The following DHX35 variants were observed in gnomAD, a reference collection of about 807,000 sequenced individuals.
The protein encoded by DHX35 is probable ATP-dependent RNA helicase DHX35.
In DHX35, 84 loss-of-function variants were observed where a neutral mutation model predicts 99.6. The observed-to-expected ratio is 0.84, with a 90% confidence interval of 0.71 to 1.01. The LOEUF is 1.01. Ranked by LOEUF, DHX35 falls within the 50% of genes least tolerant of loss-of-function variation. DHX35 has a pLI of 0.00. For missense variants in DHX35, 852 were observed against 888.5 expected, an observed-to-expected ratio of 0.96 and a Z score of 0.52; for synonymous variants, 331 against 316.2, an observed-to-expected ratio of 1.05 and a Z score of -0.50.
chr20:38,963,329 A>T (rs1010976380), intron 1 of DHX35, among the ~76,000 whole-genome samples: 5 of 152,356 alleles, frequency 3.3e-5, no homozygotes, highest in African/African-American at 7.2e-5. Flanking sequence ...TTGCAGCAAA[A>T]ATGAAATGAC....
At chr20:38,996,202 A>G (rs1187663647) in intron 8 of DHX35, among the ~76,000 whole-genome samples, 10 of 151,812 alleles carry the variant, frequency 6.6e-5, no homozygotes, top group Admixed American at 6.6e-4. Flanking sequence ...CCTTATTCTG[A>G]TTTTTTTTAT....
chr20:38,972,895 T>A (rs1484469186), intron 3 of DHX35, among the ~76,000 whole-genome samples: 1 of 152,266 alleles, frequency 6.6e-6, no homozygotes, highest in Non-Finnish European at 1.5e-5. Context: ...TTCTGAAAGT[T>A]ACAATGGAGA....
chr20:39,035,489 C>G (rs1171841376), intron 21 of DHX35, among the ~76,000 whole-genome samples: 1 of 152,156 alleles, frequency 6.6e-6, no homozygotes, highest in Non-Finnish European at 1.5e-5. Flanking sequence ...ACCTTTTTCT[C>G]CATTAGGGCC....
At chr20:38,989,035 G>A (rs888337021) in intron 5 of DHX35, 118 bp downstream of exon 5, 6 of 1,085,480 alleles carry the variant, frequency 5.5e-6, no homozygotes, top group Admixed American at 2.6e-5. Context: ...AGAAAGTGAA[G>A]AAAAGTATCC....
chr20:39,019,007 A>G lies in DHX35; in HGVS notation c.1498+108A>G, dbSNP rs2086831933. 38 of 920,262 alleles carry G rather than the reference A, an allele frequency of 4.1e-5. 1 individual carries two copies. Among genetic ancestry groups the G allele is most frequent in the Middle Eastern group, 2.3e-4 (1 of 4,434 alleles). 57.0% of individuals were successfully genotyped at this position (920,262 alleles called of 1,614,324 possible). ...AGAGGGTACAATATGGTAAAGAAGTATATATATATCTGTAACATAACATTT... is the reference window on the plus strand; with the variant it reads ...AGAGGGTACAATATGGTAAAGAAGTGTATATATATCTGTAACATAACATTT... On this transcript the variant is annotated intron_variant, in intron 15 of 21. Transcript: ENST00000252011.
At chr20:38,971,760 T>C (rs2145836978) in intron 2 of DHX35, among the ~76,000 whole-genome samples, 1 of 152,330 alleles carries the variant, frequency 6.6e-6, no homozygotes, top group East Asian at 1.9e-4. Context: ...TTTCTTAACA[T>C]ATCTTATAGT....
intron 4 of DHX35, among the ~76,000 whole-genome samples, chr20:38,984,606 T>A (rs1177932606): frequency 1.3e-5 from 2 of 152,222 alleles, no homozygotes; most frequent in Non-Finnish European, 2.9e-5. Context: ...AGATGTTACC[T>A]ATATTTCAAA....
rs2086879583 is a variant in DHX35, at chr20:39,021,952, C to G, written c.1593+17C>G. 2 of 1,611,894 alleles carry G rather than the reference C, an allele frequency of 1.2e-6. No individual in the cohort carries two copies. The highest frequency in any genetic ancestry group is 1.7e-5 in the Admixed American group (1 of 59,984). On this transcript the variant is annotated intron_variant, in intron 16 of 21. Transcript: ENST00000252011. The stretch of plus-strand genomic sequence containing the variant: ...TCTCACGCAGTAAGTCAGCTCTGTC[C>G]CCAGGCTGTCTGTACCAGTCTCTTT...
chr20:38,964,684 C>T (rs919361033), intron 1 of DHX35, among the ~76,000 whole-genome samples: 3 of 152,198 alleles, frequency 2.0e-5, no homozygotes, highest in African/African-American at 7.2e-5. Flanking sequence ...CCACCTCGGC[C>T]TCCCAAAGTG....
intron 1 of DHX35, among the ~76,000 whole-genome samples, chr20:38,963,712 T>C (rs1246064790): frequency 6.6e-6 from 1 of 152,264 alleles, no homozygotes; most frequent in African/African-American, 2.4e-5. Flanking sequence ...TATTTCATTA[T>C]TTAGTTCATC....
rs2086112339 is a variant in DHX35 at position 38,978,166 on chromosome 20, A to G, written c.267+5515A>G. ...TATTTCAAAGCCCCTAAGGGAAATCATTGGCTGTACAGACATTTTCAAAGT... is the reference window on the plus strand; with the variant it reads ...TATTTCAAAGCCCCTAAGGGAAATCGTTGGCTGTACAGACATTTTCAAAGT... On this transcript the variant is annotated intron_variant, in intron 3 of 21. Transcript: ENST00000252011. The G allele has an allele frequency of 1.9e-5, 19 of 997,052 alleles. 1 individual carries two copies. In the East Asian group the frequency reaches 4.0e-4, roughly 21 times the overall value. 61.8% of individuals were successfully genotyped at this position (997,052 alleles called of 1,614,324 possible). A position where few individuals can be genotyped will look rare whatever the true frequency, so the allele number is the denominator to read the frequency against.
chr20:38,986,275 T>C (rs1462183000), intron 4 of DHX35, among the ~76,000 whole-genome samples: 1 of 152,016 alleles, frequency 6.6e-6, no homozygotes, highest in Non-Finnish European at 1.5e-5. Context: ...GATGAGGTTA[T>C]TGGGAGCAGA....
intron 20 of DHX35, among the ~76,000 whole-genome samples, chr20:39,033,651 G>A (rs2087096594): frequency 6.6e-6 from 1 of 152,186 alleles, no homozygotes; most frequent in Non-Finnish European, 1.5e-5. Flanking sequence ...GGGACTGGAT[G>A]TTATGCTCTT....
chr20:39,001,789 G>A lies in DHX35; in HGVS notation c.702G>A (p.Val234=). 6.2e-7 allele frequency: 1 copy of A among 1,613,844 alleles called. No homozygotes were observed. Among genetic ancestry groups the A allele is most frequent in the Non-Finnish European group, 8.5e-7 (1 of 1,179,904 alleles). Residue 234 remains valine (V), a synonymous_variant, in exon 9 of 22, where the codon GTG becomes GTA. Coordinates refer to ENST00000252011, the MANE Select transcript of DHX35 (RefSeq NM_021931.4). ...ETSDPARDTC[V]ILTVEGRTFP... Reference sequence around the variant, plus strand: ...GTGATCCAGCAAGGGATACATGTGTGATCCTTACAGTGGAAGGGAGAACAT... The same window carrying A: ...GTGATCCAGCAAGGGATACATGTGTAATCCTTACAGTGGAAGGGAGAACAT...
intron 2 of DHX35, among the ~76,000 whole-genome samples, chr20:38,970,232 T>C (rs1306299286): frequency 2.6e-5 from 4 of 152,242 alleles, no homozygotes; most frequent in Admixed American, 6.5e-5. Context: ...CAAGTTCTTA[T>C]ACTCATGGAG....
At chr20:38,982,925 A>ATTT (rs547151407) in intron 3 of DHX35, among the ~76,000 whole-genome samples, 2 of 142,130 alleles carry the variant, frequency 1.4e-5, no homozygotes, top group Non-Finnish European at 1.5e-5. Context: ...ACTTAATCAA[A>ATTT]TTTTTTTTTT....
At chr20:38,967,525 C>T (rs1311306734) in intron 1 of DHX35, among the ~76,000 whole-genome samples, 1 of 152,186 alleles carries the variant, frequency 6.6e-6, no homozygotes, top group Non-Finnish European at 1.5e-5. Flanking sequence ...ACTCCTAGTT[C>T]TGTCCTAGAG....
intron 10 of DHX35, among the ~76,000 whole-genome samples, chr20:39,003,489 A>T (rs2086557669): frequency 6.6e-6 from 1 of 152,204 alleles, no homozygotes; most frequent in African/African-American, 2.4e-5. Context: ...GTTTTTATTT[A>T]TTGGGAACTC....
At chr20:38,981,187 T>G (rs1027548554) in intron 3 of DHX35, among the ~76,000 whole-genome samples, 1 of 152,228 alleles carries the variant, frequency 6.6e-6, no homozygotes, top group Admixed American at 6.5e-5. Flanking sequence ...TTAGTTGATA[T>G]GTATCTTGGG....
Sources: allele counts gnomAD v4.1 joint callset (sites outside exome capture counted in the v4.1 genomes callset), GRCh38; gene constraint gnomAD v4.1.1; transcripts MANE v1.5; gene names NCBI Gene and HGNC (gene_info 2026-07-23, HGNC 2026-07-21).